FCHSD2: variants seen among roughly 807,000 people sequenced by gnomAD.
FCHSD2 encodes F-BAR and double SH3 domains protein 2.
A neutral mutation model predicts 108.1 loss-of-function variants in FCHSD2; 38 were observed. The ratio of observed to expected loss-of-function variants is 0.35; its 90% CI spans 0.27 to 0.46. FCHSD2 has a LOEUF of 0.46. Among genes scored for constraint, FCHSD2 ranks in the 20% least tolerant of loss-of-function variants. The pLI is 1.00. For missense variants in FCHSD2, 751 were observed against 897.8 expected (o/e 0.84, Z 2.09); for synonymous variants, 279 against 314.7 (o/e 0.89, Z 1.20).
intron 5 of FCHSD2, among the ~76,000 whole-genome samples, chr11:72,998,101 T>A (rs1857555023): frequency 6.6e-6 from 1 of 151,984 alleles, no homozygotes; most frequent in Admixed American, 6.6e-5. Flanking sequence ...GAAAACAAAA[T>A]GCTGAAAAAG....
In FCHSD2 at chr11:72,868,029, A is replaced by G. The variant is rs1436412377; in HGVS notation, c.1147-3T>C. ...GCTTCAGCTTTCAATTTAATTATCT[A>G]GAGAACCAAGAAAATGGTCGGAAAT... On this transcript the variant is annotated splice_region_variant and splice_polypyrimidine_tract_variant and intron_variant, in intron 12 of 19. Coordinates refer to ENST00000409418, the MANE Select transcript of FCHSD2 (RefSeq NM_014824.3). 1 of 1,550,848 alleles carries G rather than the reference A, an allele frequency of 6.4e-7. No individual in the cohort carries two copies. Among genetic ancestry groups the G allele is most frequent in the South Asian group, 1.2e-5 (1 of 83,634 alleles).
intron 2 of FCHSD2, among the ~76,000 whole-genome samples, chr11:73,093,515 T>C (rs1449802921): frequency 2.6e-5 from 4 of 152,158 alleles, no homozygotes; most frequent in Admixed American, 2.0e-4. Flanking sequence ...AGAGCTGTAA[T>C]GCACCCATTT....
intron 8 of FCHSD2, among the ~76,000 whole-genome samples, chr11:72,977,497 AT>A (rs1461067984): frequency 2.6e-5 from 4 of 152,244 alleles, no homozygotes; most frequent in Non-Finnish European, 4.4e-5. Context: ...GGAAAAAAAA[AT>A]CTAATAATCT....
intron 13 of FCHSD2, among the ~76,000 whole-genome samples, chr11:72,853,162 C>A (rs1010232191): frequency 6.6e-6 from 1 of 151,964 alleles, no homozygotes; most frequent in Admixed American, 6.6e-5. Context: ...AAATTGAGTT[C>A]GAGACTAGAA....
intron 2 of FCHSD2, among the ~76,000 whole-genome samples, chr11:73,129,215 T>C (rs1006280179): frequency 6.6e-6 from 1 of 152,152 alleles, no homozygotes; most frequent in Non-Finnish European, 1.5e-5. Context: ...ACAAAACAAA[T>C]TACAGCTGGG....
At chr11:73,113,205 A>T (rs1347829507) in intron 2 of FCHSD2, among the ~76,000 whole-genome samples, 1 of 151,972 alleles carries the variant, frequency 6.6e-6, no homozygotes. Flanking sequence ...AGAATTCTGA[A>T]GTCCTTCTCT....
intron 8 of FCHSD2, among the ~76,000 whole-genome samples, chr11:72,981,312 A>C (rs1857212178): frequency 6.6e-6 from 1 of 152,178 alleles, no homozygotes; most frequent in African/African-American, 2.4e-5. Context: ...AAAGACTTCA[A>C]AGTAAGTTCG....
intron 8 of FCHSD2, among the ~76,000 whole-genome samples, chr11:72,938,187 T>TGG (rs1565331885): frequency 2.0e-5 from 3 of 150,146 alleles, no homozygotes; most frequent in Non-Finnish European, 4.4e-5. Context: ...TTTTTTTTTT[T>TGG]TTTTTTTTTT....
At chr11:72,995,007 A>G (rs947082547) in intron 5 of FCHSD2, among the ~76,000 whole-genome samples, 1 of 152,140 alleles carries the variant, frequency 6.6e-6, no homozygotes, top group Non-Finnish European at 1.5e-5. Context: ...CCCACTTCCA[A>G]CAACAATTAA....
At chr11:73,046,516 T>C (rs967433244) in intron 3 of FCHSD2, among the ~76,000 whole-genome samples, 10 of 152,136 alleles carry the variant, frequency 6.6e-5, no homozygotes, top group Middle Eastern at 3.2e-3. Flanking sequence ...CCTGGTAAGA[T>C]AGGATGCACC....
chr11:72,914,259 C>T (rs1351016983), intron 9 of FCHSD2, among the ~76,000 whole-genome samples: 1 of 152,108 alleles, frequency 6.6e-6, no homozygotes, highest in Non-Finnish European at 1.5e-5. Context: ...AAGTGATCTG[C>T]CCACCGTGGC....
intron 3 of FCHSD2, among the ~76,000 whole-genome samples, chr11:73,082,335 CAAAAAAAAAAAAAAA>C (rs750423401): frequency 7.0e-4 from 24 of 34,462 alleles, no homozygotes; most frequent in Admixed American, 5.1e-3. Flanking sequence ...AGACTTGTCC[CAAAAAAAAAAAAAAA>C]AAAAAAAAAA....
intron 9 of FCHSD2, among the ~76,000 whole-genome samples, chr11:72,917,429 C>G (rs1337773954): frequency 6.6e-6 from 1 of 152,170 alleles, no homozygotes; most frequent in African/African-American, 2.4e-5. Context: ...ACTCTCAATT[C>G]TGTTTCATTG....
rs187394491 is a variant in FCHSD2 at position 72,920,510 on chromosome 11, C to T, written c.828+1318G>A. Among the ~76,000 whole-genome samples, 6 of 152,194 alleles carry T rather than the reference C, an allele frequency of 3.9e-5. No individual in the cohort carries two copies. The East Asian group carries it at 9.6e-4, about 24-fold the overall frequency. On this transcript the variant is annotated intron_variant, in intron 9 of 19. Transcript: ENST00000409418. ...AATCCCAGCACTTTGAGAGGCAAGG[C>T]GGGTGGACCACTTGAGGCCAGGACT...
At chr11:72,984,025 C>T (rs1281256500) in intron 8 of FCHSD2, 63 bp downstream of exon 8, 2 of 1,386,122 alleles carry the variant, frequency 1.4e-6, no homozygotes, top group Non-Finnish European at 2.0e-6. Context: ...AACCCAACAC[C>T]CAACTTAAGT....
At chr11:72,862,094 A>C (rs1861590578) in intron 13 of FCHSD2, among the ~76,000 whole-genome samples, 1 of 152,348 alleles carries the variant, frequency 6.6e-6, no homozygotes, top group South Asian at 2.1e-4. Context: ...ATTAGCAAAC[A>C]AAATAGAAAC....
intron 8 of FCHSD2, among the ~76,000 whole-genome samples, chr11:72,931,023 T>C (rs61450188): frequency 0.034 from 5,118 of 151,858 alleles, 290 homozygotes; most frequent in African/African-American, 0.12. Flanking sequence ...ATTGCATGCC[T>C]GTATCAAAAC....
chr11:72,844,445 C>T (rs1170752131), intron 14 of FCHSD2, among the ~76,000 whole-genome samples: 2 of 152,122 alleles, frequency 1.3e-5, no homozygotes, highest in Non-Finnish European at 2.9e-5. Context: ...GATCCATTTG[C>T]GTGCTACCGT....
intron 12 of FCHSD2, among the ~76,000 whole-genome samples, chr11:72,872,058 T>A (rs890175839): frequency 6.6e-6 from 1 of 152,066 alleles, no homozygotes; most frequent in African/African-American, 2.4e-5. Context: ...AAACATTACA[T>A]AAAATTTACT....
Sources: allele counts gnomAD v4.1 joint callset (sites outside exome capture counted in the v4.1 genomes callset), GRCh38; gene constraint gnomAD v4.1.1; transcripts MANE v1.5; gene names NCBI Gene and HGNC (gene_info 2026-07-23, HGNC 2026-07-21).